SHISA7: variants seen among roughly 807,000 people sequenced by gnomAD.
SHISA7 encodes protein shisa-7.
SHISA7 carries 6 observed loss-of-function variants against 23.9 expected under a neutral mutation model. The ratio of observed to expected loss-of-function variants is 0.25; its 90% confidence interval spans 0.14 to 0.50. The LOEUF (loss-of-function observed/expected upper bound fraction) is 0.50. Among genes scored for constraint, SHISA7 ranks in the 20% least tolerant of loss-of-function variants. The pLI is 0.98. For synonymous variants in SHISA7, 386 were observed against 398.3 expected (o/e 0.97, Z 0.37); for missense variants, 671 against 801.1 (o/e 0.84, Z 1.96).
At chr19:55,435,555 C>A (rs556369177) in intron 3 of SHISA7, among the ~76,000 whole-genome samples, 55 of 137,730 alleles carry the variant, frequency 4.0e-4, no homozygotes, top group African/African-American at 1.5e-3. Flanking sequence ...GAGTTCAAGA[C>A]CGACCTGGGC....
In SHISA7 at chr19:55,438,416, C is replaced by G. The variant is rs542713586; in HGVS notation, c.827-662G>C. On this transcript the variant is annotated intron_variant, in intron 2 of 3. Coordinates refer to ENST00000376325, the MANE Select transcript of SHISA7 (RefSeq NM_001145176.2). ...ACGAGGAAACAGGCTCACTTGGTGACCTGGCCAGACCATGAGCGCCATGAG... is the reference window on the plus strand; with the variant it reads ...ACGAGGAAACAGGCTCACTTGGTGAGCTGGCCAGACCATGAGCGCCATGAG... 4.1e-5 allele frequency: 27 copies of G among 651,752 alleles called. No homozygotes were observed. The South Asian group carries it at 4.7e-4, about 11-fold the overall frequency. The allele number at this position is 651,752 out of a possible 1,614,324, so 40.4% of individuals were successfully genotyped here.
In SHISA7 at chr19:55,433,162, A is replaced by T; in HGVS notation, c.1611T>A (p.Thr537=). 1 of 1,521,868 alleles carries T rather than the reference A, an allele frequency of 6.6e-7. No homozygotes were observed. The highest frequency in any genetic ancestry group is 8.8e-7 in the Non-Finnish European group (1 of 1,139,616). 94.3% of individuals were successfully genotyped at this position (1,521,868 alleles called of 1,614,324 possible). ...HLRTASKNEV[T]V is the part of the protein sequence containing the mutation. ...CCCAGACCCGGCCCTGGCCTCAGAC[A>T]GTCACCTCGTTCTTGCTGGCCGTGC... The change falls in exon 4 of 4, where the codon ACT becomes ACA. Residue 537 remains threonine (T), a synonymous_variant. Transcript: ENST00000376325. This position sits in a 1 kb window ranked among gnomAD's most constrained non-coding sequence, Gnocchi z 8.4.
At chr19:55,434,850 C>CGTGTGTGTATATGTGGTGTGTGTGGT in intron 3 of SHISA7, among the ~76,000 whole-genome samples, 1 of 35,044 alleles carries the variant, frequency 2.9e-5, no homozygotes, top group South Asian at 1.3e-3. Flanking sequence ...TGTGTGTGTG[C>CGTGTGTGTATATGTGGTGTGTGTGGT]GTGTGTGTAT....
chr19:55,441,133 A>G (rs888014121), intron 1 of SHISA7, among the ~76,000 whole-genome samples: 3 of 151,852 alleles, frequency 2.0e-5, no homozygotes, highest in African/African-American at 7.3e-5. Flanking sequence ...TCAAACATTA[A>G]ATCACCTTGA....
At chr19:55,439,163 C>A (rs1433023278) in intron 2 of SHISA7, among the ~76,000 whole-genome samples, 1 of 152,194 alleles carries the variant, frequency 6.6e-6, no homozygotes, top group African/African-American at 2.4e-5. Context: ...AACCTGGACC[C>A]ACTGGATGTC....
intron 3 of SHISA7, among the ~76,000 whole-genome samples, chr19:55,435,091 T>TG (rs1568450912): frequency 5.7e-4 from 17 of 29,910 alleles, no homozygotes; most frequent in African/African-American, 1.9e-3. Flanking sequence ...GTGTGTGTGG[T>TG]GTGTGTGTAT....
Position 55,431,282 on chromosome 19 carries a change from T to C in SHISA7, c.*1874A>G, listed in dbSNP as rs1985198787. On this transcript the variant is annotated 3_prime_UTR_variant, in exon 4 of 4. Transcript: ENST00000376325. ...GTGATGACACCAAAATCATGAGGGA[T>C]TATGGGAAATGGTGGAATCATCAGT... is the stretch of plus-strand genomic sequence containing the variant. The C allele has an allele frequency of 6.6e-6, 1 of 151,926 alleles. No homozygotes were observed. The highest frequency in any genetic ancestry group is 2.4e-5 in the African/African-American group (1 of 41,330). The allele number at this position is 151,926 out of a possible 1,614,324, so 9.4% of individuals were successfully genotyped here.
intron 3 of SHISA7, among the ~76,000 whole-genome samples, chr19:55,437,155 C>T (rs941000191): frequency 6.6e-6 from 1 of 152,098 alleles, no homozygotes; most frequent in Non-Finnish European, 1.5e-5. Flanking sequence ...GCTGGTAGAA[C>T]GGCAGCCTGA....
Position 55,442,897 on chromosome 19 carries a change from C to T in SHISA7, c.-34G>A. ...CAGGGGGTCGCACTGGGCCGCCAGGCTGCGGGGAGAACGAGAGCAGAGGTT... is the reference window on the plus strand; with the variant it reads ...CAGGGGGTCGCACTGGGCCGCCAGGTTGCGGGGAGAACGAGAGCAGAGGTT... On this transcript the variant is annotated 5_prime_UTR_variant, in exon 1 of 4. Coordinates refer to ENST00000376325, the MANE Select transcript of SHISA7 (RefSeq NM_001145176.2). 1 of 1,198,894 alleles carries T rather than the reference C, an allele frequency of 8.3e-7. No homozygotes were observed. Among genetic ancestry groups the T allele is most frequent in the Non-Finnish European group, 1.0e-6 (1 of 962,252 alleles). The allele number at this position is 1,198,894 out of a possible 1,614,324, so 74.3% of individuals were successfully genotyped here.
At position 55,443,297 on chromosome 19, in the gene SHISA7, C is replaced by G. The variant is rs1156563856; in HGVS notation, c.-434G>C. 8.2e-6 allele frequency among the ~76,000 whole-genome samples: 1 copy of G among 122,570 alleles called. No individual in the cohort carries two copies. Among genetic ancestry groups the G allele is most frequent in the Admixed American group, 9.0e-5 (1 of 11,142 alleles). 80.4% of individuals were successfully genotyped at this position (122,570 alleles called of 152,430 possible). A position where few individuals can be genotyped will look rare whatever the true frequency, so the allele number is the denominator to read the frequency against. Reference sequence around the variant, plus strand: ...GCGATGTAAGGAGAAGAAACGGGGGCGGCGAAGAGGAGAGGGCAGGGGAGG... The same window carrying G: ...GCGATGTAAGGAGAAGAAACGGGGGGGGCGAAGAGGAGAGGGCAGGGGAGG... On this transcript the variant is annotated 5_prime_UTR_variant, in exon 1 of 4. Transcript: ENST00000376325.
Position 55,442,343 on chromosome 19 carries a change from C to G in SHISA7, c.521G>C (p.Gly174Ala). 3 of 1,473,804 alleles carry G rather than the reference C, an allele frequency of 2.0e-6. No homozygotes were observed. Among genetic ancestry groups the G allele is most frequent in the Non-Finnish European group, 2.7e-6 (3 of 1,119,686 alleles). The allele number at this position is 1,473,804 out of a possible 1,614,324, so 91.3% of individuals were successfully genotyped here. A position where few individuals can be genotyped will look rare whatever the true frequency, so the allele number is the denominator to read the frequency against. ...CCCGGGGCCCTCGCCCCCGCGGCCCCCGGCACCCCCAGTCCGGCCCCCTTC... is the reference window on the plus strand; with the variant it reads ...CCCGGGGCCCTCGCCCCCGCGGCCCGCGGCACCCCCAGTCCGGCCCCCTTC... ...WLEGGRTGGA[G>A]GRGGEGPGGS... Residue 174 changes from glycine (G) to alanine (A), a missense_variant, in exon 1 of 4, where the codon GGG (glycine) becomes GCG (alanine). Gly to Ala is a moderately conservative substitution (Grantham distance 60). This residue lies in a region of SHISA7 where 59 missense variants were observed against 57.2 expected (regional missense o/e 1.03). Transcript: ENST00000376325.
chr19:55,433,732 C>A lies in SHISA7; in HGVS notation c.1041G>T (p.Leu347=). The A allele has an allele frequency of 6.8e-7, 1 of 1,467,740 alleles. No individual in the cohort carries two copies. The highest frequency in any genetic ancestry group is 1.3e-5 in the South Asian group (1 of 76,308). The allele number at this position is 1,467,740 out of a possible 1,614,324, so 90.9% of individuals were successfully genotyped here. A position where few individuals can be genotyped will look rare whatever the true frequency, so the allele number is the denominator to read the frequency against. ...CCGGCCGCCGCAGCGCGTGCAGGGG[C>A]AGCGTGCCGCGGGGCAATTCCAGGG... The part of the protein sequence containing the change: ...RRPLELPRGT[L]PLHALRRPGT... Residue 347 remains leucine, a synonymous_variant, in exon 4 of 4, where the codon CTG becomes CTT. Coordinates refer to ENST00000376325, the MANE Select transcript of SHISA7 (RefSeq NM_001145176.2). The surrounding 1 kb of genome is among the most constrained non-coding windows in gnomAD (Gnocchi z 8.4).
intron 1 of SHISA7, among the ~76,000 whole-genome samples, chr19:55,441,281 C>T (rs1330258024): frequency 6.6e-6 from 1 of 152,202 alleles, no homozygotes; most frequent in Non-Finnish European, 1.5e-5. Context: ...ACGGGTCTCC[C>T]CACTCCCACC....
rs1287928081 is a variant in SHISA7 at position 55,437,683 on chromosome 19, T to G, written c.898A>C (p.Asn300His). Residue 300 changes from asparagine (N) to histidine (H), a missense_variant, in exon 3 of 4, where the codon AAC (asparagine) becomes CAC (histidine). By Grantham distance (68) the Asn-to-His change is moderately conservative. This residue lies in a region of SHISA7 where 457 missense variants were observed against 488.3 expected (regional missense o/e 0.94). Transcript: ENST00000376325. ...TAGGACGGGGGCAGATGCGAGAGGTTGTGGAAGGACCGAGAGCAGGACAGC... is the reference window on the plus strand; with the variant it reads ...TAGGACGGGGGCAGATGCGAGAGGTGGTGGAAGGACCGAGAGCAGGACAGC... ...STLSCSRSFH[N>H]LSHLPPSYEA... 3 of 1,551,460 alleles carry G rather than the reference T, an allele frequency of 1.9e-6. No homozygotes were observed. The African/African-American group carries it at 4.1e-5, about 21-fold the overall frequency.
In SHISA7 at chr19:55,442,802, G is replaced by T. The variant is rs1308518928; in HGVS notation, c.62C>A (p.Pro21Gln). 15 of 1,310,870 alleles carry T rather than the reference G, an allele frequency of 1.1e-5. No homozygotes were observed. Among genetic ancestry groups the T allele is most frequent in the Non-Finnish European group, 1.4e-5 (14 of 1,030,548 alleles). 81.2% of individuals were successfully genotyped at this position (1,310,870 alleles called of 1,614,324 possible). ...ASSAGQARAR[P>Q]SNATSAEPAG... ...GGGCTCGGCGCTCGTGGCGTTGGAC[G>T]GGCGCGCCCTGGCCTGGCCGGCGCT... is the stretch of plus-strand genomic sequence containing the variant. Residue 21 changes from proline to glutamine, a missense_variant, in exon 1 of 4, where the codon CCG becomes CAG. Pro to Gln is a moderately conservative substitution (Grantham distance 76). Transcript: ENST00000376325.
intron 3 of SHISA7, among the ~76,000 whole-genome samples, chr19:55,434,788 TGTG>T (rs1568450564): frequency 7.8e-6 from 1 of 129,006 alleles, no homozygotes; most frequent in African/African-American, 3.0e-5. Context: ...GTATGGTGTG[TGTG>T]GTGTGTGTGT....
chr19:55,440,954 TC>T (rs1985587560), intron 1 of SHISA7, among the ~76,000 whole-genome samples, 189 bp from the exon 2 acceptor site: 1 of 152,006 alleles, frequency 6.6e-6, no homozygotes, highest in Non-Finnish European at 1.5e-5. Context: ...AGGCCACACT[TC>T]CTGCTTGAAG....
In SHISA7 at chr19:55,429,846, G is replaced by A. The variant is rs186648667; in HGVS notation, c.*3310C>T. 5.5e-3 allele frequency: 837 copies of A among 152,306 alleles called. 3 individuals carry two copies. The highest frequency in any genetic ancestry group is 0.01 in the Middle Eastern group (3 of 296). The allele number at this position is 152,306 out of a possible 1,614,324, so 9.4% of individuals were successfully genotyped here. A position where few individuals can be genotyped will look rare whatever the true frequency, so the allele number is the denominator to read the frequency against. On this transcript the variant is annotated 3_prime_UTR_variant, in exon 4 of 4. Coordinates refer to ENST00000376325, the MANE Select transcript of SHISA7 (RefSeq NM_001145176.2). ...CTGGTCCCGCAGATGTGCTGGCAGG[G>A]ACCATTGCTCTCCAGTGTCCCTGCT...
Position 55,440,738 on chromosome 19 carries a change from C to T in SHISA7, c.699G>A (p.Gln233=). 8.0e-7 allele frequency: 1 copy of T among 1,246,386 alleles called. No individual in the cohort carries two copies. The highest frequency in any genetic ancestry group is 1.0e-6 in the Non-Finnish European group (1 of 988,232). The allele number at this position is 1,246,386 out of a possible 1,614,324, so 77.2% of individuals were successfully genotyped here. A position where few individuals can be genotyped will look rare whatever the true frequency, so the allele number is the denominator to read the frequency against. The change falls in exon 2 of 4, where the codon CAG becomes CAA. Residue 233 remains glutamine (Q), a synonymous_variant. Transcript: ENST00000376325. ...GGTCCGGGCGGGTCCCAGGCCCCGC[C>T]TGATGTCTCAGAATGTCCACCAGAG... ...PRALVDILRH[Q]AGPGTRPDRA... is the part of the protein sequence containing the mutation.
Sources: allele counts gnomAD v4.1 joint callset (sites outside exome capture counted in the v4.1 genomes callset), GRCh38; gene constraint gnomAD v4.1.1; regional missense constraint gnomAD v4.1.1; non-coding constraint Gnocchi (gnomAD v3.1); transcripts MANE v1.5; gene names NCBI Gene and HGNC (gene_info 2026-07-23, HGNC 2026-07-21).